Variants in SATB2 observed in about 807,000 individuals in gnomAD.
SATB2 encodes the protein DNA-binding protein SATB2.
Under a neutral mutation model 73.4 loss-of-function variants are expected in SATB2, and 1 was observed. The ratio of observed to expected loss-of-function variants is 0.01; its 90% confidence interval spans 0.00 to 0.06. The LOEUF is 0.06. Among genes scored for constraint, SATB2 ranks in the 10% least tolerant of loss-of-function variants. The pLI, the probability that SATB2 is intolerant of heterozygous loss-of-function variation, is 1.00. For missense variants in SATB2, 459 were observed against 945.8 expected (o/e 0.49, Z 6.75); for synonymous variants, 397 against 367.0 (o/e 1.08, Z -0.93).
intron 3 of SATB2, among the ~76,000 whole-genome samples, chr2:199,420,793 T>C (rs1691141537): frequency 6.6e-6 from 1 of 152,146 alleles, no homozygotes; most frequent in South Asian, 2.1e-4. Flanking sequence ...ACATAGCAAA[T>C]TATAATGTAA....
chr2:199,402,843 C>A (rs1559033127), intron 3 of SATB2, among the ~76,000 whole-genome samples: 1 of 152,156 alleles, frequency 6.6e-6, no homozygotes, highest in Non-Finnish European at 1.5e-5. Context: ...ACACTCAGAT[C>A]TAACAGTCTT....
At position 199,381,830 on chromosome 2, in the gene SATB2, G is replaced by A; in HGVS notation, c.347-10C>T. On this transcript the variant is annotated splice_polypyrimidine_tract_variant and intron_variant, in intron 3 of 10. Coordinates refer to ENST00000417098, the MANE Select transcript of SATB2 (RefSeq NM_001172509.2). ...CCCAGCTTGATTATTCCTGCACAGG[G>A]AAGAAAAACATAATAAACACATATC... 1.2e-6 allele frequency: 2 copies of A among 1,613,850 alleles called. No individual in the cohort carries two copies. The highest frequency in any genetic ancestry group is 8.5e-7 in the Non-Finnish European group (1 of 1,179,816).
In SATB2 at chr2:199,349,070, G is replaced by A. The variant is rs760068691; in HGVS notation, c.804C>T (p.Asn268=). Reference sequence around the variant, plus strand: ...GAATTTGGCTGTGAGGAGACTGTTCGTTGGTTTTCCCCAGGGATGCCAGCT... The same window carrying A: ...GAATTTGGCTGTGAGGAGACTGTTCATTGGTTTTCCCCAGGGATGCCAGCT... ...MNQLASLGKT[N]EQSPHSQIHH... Residue 268 remains asparagine (N), a synonymous_variant, in exon 7 of 11, where the codon AAC becomes AAT. Transcript: ENST00000417098. The A allele has an allele frequency of 2.5e-5, 41 of 1,613,936 alleles. No homozygotes were observed. The highest frequency in any genetic ancestry group is 3.1e-5 in the Non-Finnish European group (36 of 1,179,972).
chr2:199,286,545 C>T (rs532905517), intron 10 of SATB2, among the ~76,000 whole-genome samples: 9 of 152,150 alleles, frequency 5.9e-5, no homozygotes, highest in Non-Finnish European at 1.3e-4. Flanking sequence ...TTAGGACAGT[C>T]CGGGCTATGA....
intron 3 of SATB2, among the ~76,000 whole-genome samples, chr2:199,426,506 A>C (rs2105919967): frequency 6.6e-6 from 1 of 152,042 alleles, no homozygotes; most frequent in East Asian, 1.9e-4. Context: ...CATGTTGGCC[A>C]GGCTGGTCTC....
At chr2:199,362,855 T>C (rs995444163) in intron 6 of SATB2, among the ~76,000 whole-genome samples, 7 of 152,304 alleles carry the variant, frequency 4.6e-5, no homozygotes, top group East Asian at 1.9e-4. Flanking sequence ...GATGGATGAA[T>C]AGATGCAAGA....
chr2:199,285,733 A>AAG (rs1285953403), intron 10 of SATB2, among the ~76,000 whole-genome samples: 3 of 151,740 alleles, frequency 2.0e-5, no homozygotes, highest in Non-Finnish European at 4.4e-5. Context: ...TAAAAAAAAA[A>AAG]AGAGAGAGAG....
intron 3 of SATB2, among the ~76,000 whole-genome samples, chr2:199,432,139 G>A (rs1034485223): frequency 2.0e-5 from 3 of 152,280 alleles, no homozygotes; most frequent in Admixed American, 6.5e-5. Flanking sequence ...CCTGGCCAGC[G>A]CTCAGATTCA....
At chr2:199,394,170 C>A (rs1000254485) in intron 3 of SATB2, among the ~76,000 whole-genome samples, 1 of 152,146 alleles carries the variant, frequency 6.6e-6, no homozygotes, top group Admixed American at 6.5e-5. Flanking sequence ...AGTTTATATA[C>A]CTGCACAAAT....
chr2:199,313,185 G>C (rs1167706505), intron 9 of SATB2, among the ~76,000 whole-genome samples: 1 of 152,088 alleles, frequency 6.6e-6, no homozygotes, highest in African/African-American at 2.4e-5. Context: ...GGAAGATAGG[G>C]GAGGGATATA....
chr2:199,321,803 G>A (rs1186777832), intron 9 of SATB2, among the ~76,000 whole-genome samples: 3 of 151,892 alleles, frequency 2.0e-5, no homozygotes, highest in African/African-American at 7.3e-5. Context: ...CATAGTGCCT[G>A]AATTGCCTAT....
intron 10 of SATB2, among the ~76,000 whole-genome samples, chr2:199,274,896 G>A (rs1022434824): frequency 6.6e-6 from 1 of 152,096 alleles, no homozygotes; most frequent in Non-Finnish European, 1.5e-5. Context: ...TATTTGCTCT[G>A]AGGCCATGAT....
intron 10 of SATB2, among the ~76,000 whole-genome samples, chr2:199,289,548 G>A (rs1469334934): frequency 1.3e-5 from 2 of 152,122 alleles, no homozygotes. Flanking sequence ...GCTTTTCTGA[G>A]CATATTTGCT....
intron 6 of SATB2, among the ~76,000 whole-genome samples, chr2:199,354,972 T>C (rs1000538328): frequency 2.6e-5 from 4 of 152,156 alleles, no homozygotes; most frequent in African/African-American, 4.8e-5. Flanking sequence ...TATTCATAGA[T>C]GAGAAACTTA....
At chr2:199,380,820 T>C (rs1255951941) in intron 4 of SATB2, among the ~76,000 whole-genome samples, 3 of 152,176 alleles carry the variant, frequency 2.0e-5, no homozygotes, top group Non-Finnish European at 4.4e-5. Flanking sequence ...CAAATGTAAT[T>C]ATTGTGCATG....
At chr2:199,429,623 T>C (rs1019651817) in intron 3 of SATB2, among the ~76,000 whole-genome samples, 1 of 152,196 alleles carries the variant, frequency 6.6e-6, no homozygotes, top group Non-Finnish European at 1.5e-5. Flanking sequence ...TAAAATAAAA[T>C]TGTCGGCCAG....
intron 3 of SATB2, among the ~76,000 whole-genome samples, chr2:199,384,650 T>G (rs1223679850): frequency 6.6e-6 from 1 of 152,246 alleles, no homozygotes; most frequent in Admixed American, 6.5e-5. Context: ...TGACTAAGAA[T>G]GCAGGCTTCC....
At chr2:199,319,938 C>T (rs1481722150) in intron 9 of SATB2, among the ~76,000 whole-genome samples, 1 of 151,994 alleles carries the variant, frequency 6.6e-6, no homozygotes, top group African/African-American at 2.4e-5. Flanking sequence ...AAGTACACAA[C>T]CGTCCCCTGA....
intron 6 of SATB2, among the ~76,000 whole-genome samples, chr2:199,359,841 C>T (rs1188208520): frequency 6.6e-6 from 1 of 152,170 alleles, no homozygotes; most frequent in Non-Finnish European, 1.5e-5. Context: ...TGTTAGAACT[C>T]ATAGTCTGAT....
Sources: gnomAD v4.1 joint callset for allele counts (sites outside exome capture counted in the v4.1 genomes callset) on GRCh38, gnomAD v4.1.1 for gene constraint, MANE v1.5 for transcripts, NCBI Gene and HGNC (gene_info 2026-07-23, HGNC 2026-07-21) for gene names.